Variants in MAP2 observed in about 807,000 individuals in gnomAD.
The protein encoded by MAP2 is microtubule associated protein 2.
A neutral mutation model predicts 137.6 loss-of-function variants in MAP2; 14 were observed. That is an observed-to-expected ratio of 0.10 (90% CI 0.07 to 0.16). The LOEUF is 0.16. Among genes scored for constraint, MAP2 ranks in the 10% least tolerant of loss-of-function variants. The pLI is 1.00. For missense variants in MAP2, 2,088 were observed against 2,191.5 expected, an observed-to-expected ratio of 0.95 and a Z score of 0.94; for synonymous variants, 786 against 782.3, an observed-to-expected ratio of 1.00 and a Z score of -0.08.
chr2:209,441,432 A>G (rs1004061388), intron 1 of MAP2, among the ~76,000 whole-genome samples: 2 of 151,554 alleles, frequency 1.3e-5, no homozygotes, highest in Admixed American at 1.3e-4. Flanking sequence ...ATTCTCTGAG[A>G]ATGTCTTCCA....
At chr2:209,473,559 C>A (rs908689972) in intron 1 of MAP2, among the ~76,000 whole-genome samples, 3 of 151,890 alleles carry the variant, frequency 2.0e-5, no homozygotes. Flanking sequence ...TGATTTATCA[C>A]CCCCAAGTGT....
chr2:209,646,660 T>G (rs748609932), intron 4 of MAP2, among the ~76,000 whole-genome samples: 2 of 152,202 alleles, frequency 1.3e-5, no homozygotes, highest in Non-Finnish European at 2.9e-5. Flanking sequence ...ACATTAATTA[T>G]CATATTAGAT....
Position 209,730,624 on chromosome 2 carries a change from T to C in MAP2, c.*227T>C. 2 of 527,876 alleles carry C rather than the reference T, an allele frequency of 3.8e-6. No individual in the cohort carries two copies. Among genetic ancestry groups the C allele is most frequent in the Non-Finnish European group, 6.8e-6 (2 of 294,316 alleles). 32.7% of individuals were successfully genotyped at this position (527,876 alleles called of 1,614,324 possible). A position where few individuals can be genotyped will look rare whatever the true frequency, so the allele number is the denominator to read the frequency against. ...AGACACTGGCTTTACATGGGTTCAA[T>C]TGGACAATTATTTTTGCTCTGCTCT... On this transcript the variant is annotated 3_prime_UTR_variant, in exon 16 of 16. Transcript: ENST00000682079.
intron 1 of MAP2, among the ~76,000 whole-genome samples, chr2:209,463,656 T>C (rs979407218): frequency 3.3e-5 from 5 of 152,184 alleles, no homozygotes; most frequent in Admixed American, 6.5e-5. Flanking sequence ...ATTTCACATA[T>C]GAGGAAACTG....
intron 3 of MAP2, among the ~76,000 whole-genome samples, chr2:209,586,437 A>G (rs1329076363): frequency 6.6e-6 from 1 of 152,168 alleles, no homozygotes. Flanking sequence ...GAAACCTTGC[A>G]TATCTCATCT....
At chr2:209,545,065 G>A (rs1216485070) in intron 2 of MAP2, among the ~76,000 whole-genome samples, 1 of 152,160 alleles carries the variant, frequency 6.6e-6, no homozygotes, top group East Asian at 1.9e-4. Context: ...AATTTTTTAG[G>A]GAATTTTAGC....
chr2:209,596,503 C>CATGACAT (rs1240832029), intron 3 of MAP2, among the ~76,000 whole-genome samples: 1 of 152,070 alleles, frequency 6.6e-6, no homozygotes, highest in African/African-American at 2.4e-5. Context: ...GATCTAGTGA[C>CATGACAT]ATGACATACT....
Position 209,693,399 on chromosome 2 carries a change from A to G in MAP2, c.1229A>G (p.Glu410Gly). Residue 410 changes from glutamate (E) to glycine (G), a missense_variant, in exon 8 of 16, where the codon GAA (glutamate) becomes GGA (glycine). Glu to Gly is a moderately conservative substitution (Grantham distance 98, BLOSUM62 -2). Around this residue, in one of 6 missense-constraint regions of MAP2, gnomAD observed 859 missense variants for 794.5 expected, o/e 1.08. Coordinates refer to ENST00000682079, the MANE Select transcript of MAP2 (RefSeq NM_001375505.1). The stretch of plus-strand genomic sequence containing the variant: ...CATGTTATGGGGAAAGTTTTAGAGG[A>G]AGAAAAGGAGGCCATAAATCAAGAG... ...EEHVMGKVLE[E>G]EKEAINQETV... 1 of 1,613,160 alleles carries G rather than the reference A, an allele frequency of 6.2e-7. No homozygotes were observed. The highest frequency in any genetic ancestry group is 8.5e-7 in the Non-Finnish European group (1 of 1,179,804).
chr2:209,658,959 A>T (rs1314580235), intron 5 of MAP2, among the ~76,000 whole-genome samples: 1 of 152,212 alleles, frequency 6.6e-6, no homozygotes, highest in South Asian at 2.1e-4. Flanking sequence ...CATATCTTTT[A>T]TCTCATTTCA....
chr2:209,568,710 C>T (rs1459732820), intron 2 of MAP2, among the ~76,000 whole-genome samples: 1 of 151,872 alleles, frequency 6.6e-6, no homozygotes, highest in Non-Finnish European at 1.5e-5. Context: ...GATTTGATTT[C>T]AGTCTTTCAT....
At chr2:209,486,648 G>A (rs1382796541) in intron 1 of MAP2, among the ~76,000 whole-genome samples, 1 of 152,214 alleles carries the variant, frequency 6.6e-6, no homozygotes, top group Non-Finnish European at 1.5e-5. Context: ...GGTCAGATCA[G>A]AAATTTAACC....
chr2:209,481,424 G>A (rs1575820317), intron 1 of MAP2, among the ~76,000 whole-genome samples: 1 of 152,204 alleles, frequency 6.6e-6, no homozygotes, highest in African/African-American at 2.4e-5. Context: ...CCTGTGGCTA[G>A]GACATTGTTT....
chr2:209,513,621 T>G (rs1479652749), intron 2 of MAP2, among the ~76,000 whole-genome samples: 1 of 149,668 alleles, frequency 6.7e-6, no homozygotes, highest in African/African-American at 2.5e-5. Flanking sequence ...CCTATCTTTC[T>G]CTCTTGAAAA....
intron 1 of MAP2, among the ~76,000 whole-genome samples, chr2:209,477,017 C>T (rs925879895): frequency 6.6e-6 from 1 of 152,108 alleles, no homozygotes; most frequent in Non-Finnish European, 1.5e-5. Flanking sequence ...GCACCCATGA[C>T]GAAGACCATA....
chr2:209,562,434 C>T (rs889003796), intron 2 of MAP2, among the ~76,000 whole-genome samples: 12 of 150,630 alleles, frequency 8.0e-5, no homozygotes, highest in Admixed American at 1.3e-4. Context: ...CGCTGGCTTA[C>T]GTCTGTAATT....
At chr2:209,703,963 A>AT (rs1334818385) in intron 11 of MAP2, 2 of 455,336 alleles carry the variant, frequency 4.4e-6, no homozygotes, top group East Asian at 1.4e-4. Context: ...TGTATAACAG[A>AT]TTTTTTATTT....
At chr2:209,729,170 T>C (rs2075203548) in intron 14 of MAP2, among the ~76,000 whole-genome samples, 1 of 152,186 alleles carries the variant, frequency 6.6e-6, no homozygotes, top group Non-Finnish European at 1.5e-5. Flanking sequence ...GAAAATGGCA[T>C]GGTCAAAACT....
At position 209,694,170 on chromosome 2, in the gene MAP2, A is replaced by T. The variant is rs762406263; in HGVS notation, c.2000A>T (p.Tyr667Phe). Residue 667 changes from tyrosine (Y) to phenylalanine (F), a missense_variant, in exon 8 of 16, where the codon TAT (tyrosine) becomes TTT (phenylalanine). Tyr to Phe is a conservative substitution (Grantham distance 22). Coordinates refer to ENST00000682079, the MANE Select transcript of MAP2 (RefSeq NM_001375505.1). ...ERMFTIDPKV[Y>F]GEKRDLHSKN... ...ATGTTCACTATTGATCCAAAAGTGT[A>T]TGGAGAGAAAAGGGACCTCCACAGT... The T allele has an allele frequency of 6.2e-7, 1 of 1,614,154 alleles. No individual in the cohort carries two copies. Among genetic ancestry groups the T allele is most frequent in the East Asian group, 2.2e-5 (1 of 44,874 alleles).
At chr2:209,482,759 T>C (rs1379718998) in intron 1 of MAP2, among the ~76,000 whole-genome samples, 1 of 152,192 alleles carries the variant, frequency 6.6e-6, no homozygotes, top group East Asian at 1.9e-4. Flanking sequence ...TGGCCTCAGC[T>C]CCTTCCATTC....
Sources: allele counts gnomAD v4.1 joint callset (sites outside exome capture counted in the v4.1 genomes callset), GRCh38; gene constraint gnomAD v4.1.1; regional missense constraint gnomAD v4.1.1; transcripts MANE v1.5; gene names NCBI Gene and HGNC (gene_info 2026-07-23, HGNC 2026-07-21).